TGS1: variants seen among roughly 807,000 people sequenced by gnomAD.
TGS1 encodes the protein trimethylguanosine synthase 1, also known as trimethylguanosine synthase.
In TGS1, 69 loss-of-function variants were observed where a neutral mutation model predicts 92.2. The ratio of observed to expected loss-of-function variants is 0.75; its 90% confidence interval spans 0.62 to 0.91. TGS1 has a LOEUF of 0.91. Among genes scored for constraint, TGS1 ranks in the 40% least tolerant of loss-of-function variants. The probability of loss-of-function intolerance (pLI) is 0.00; values close to 1 mark genes in which losing one functional copy is unlikely to be tolerated. For synonymous variants in TGS1, 345 were observed against 338.1 expected (o/e 1.02, Z -0.22); for missense variants, 1,062 against 1,001.2 (o/e 1.06, Z -0.82).
chr8:55,811,875 G>A (rs762947644), intron 11 of TGS1, among the ~76,000 whole-genome samples: 12 of 152,068 alleles, frequency 7.9e-5, no homozygotes, highest in Non-Finnish European at 1.5e-4. Context: ...TGTGGGGATC[G>A]ATCTCCAAAA....
At chr8:55,808,798 C>G (rs1349872658) in intron 10 of TGS1, among the ~76,000 whole-genome samples, 3 of 152,198 alleles carry the variant, frequency 2.0e-5, no homozygotes, top group Non-Finnish European at 4.4e-5. Context: ...GCATGAGCCA[C>G]CACCCCTAGC....
intron 6 of TGS1, among the ~76,000 whole-genome samples, chr8:55,794,415 C>T (rs145197173): frequency 6.6e-6 from 1 of 152,236 alleles, no homozygotes; most frequent in East Asian, 1.9e-4. Context: ...AAAATTTGCT[C>T]AACCATGCAA....
At chr8:55,821,495 T>A (rs1803632278) in intron 12 of TGS1, among the ~76,000 whole-genome samples, 1 of 151,656 alleles carries the variant, frequency 6.6e-6, no homozygotes, top group South Asian at 2.1e-4. Context: ...TAGACAACCC[T>A]CTGAAAGGTA....
At chr8:55,795,512 A>T (rs755531097) in intron 6 of TGS1, among the ~76,000 whole-genome samples, 4 of 152,216 alleles carry the variant, frequency 2.6e-5, no homozygotes, top group Non-Finnish European at 5.9e-5. Flanking sequence ...TAAATCAGGC[A>T]TTCTCTAATT....
At chr8:55,787,230 A>G (rs767450804) in intron 4 of TGS1, among the ~76,000 whole-genome samples, 170 bp downstream of exon 4, 5 of 151,958 alleles carry the variant, frequency 3.3e-5, no homozygotes, top group Non-Finnish European at 7.4e-5. Flanking sequence ...ATCCTTTTCT[A>G]TTAATAAGAA....
chr8:55,808,512 T>C (rs1398288031), intron 10 of TGS1, among the ~76,000 whole-genome samples: 6 of 5,262 alleles, frequency 1.1e-3, no homozygotes, highest in Admixed American at 8.0e-3. Flanking sequence ...TCTTTTTTTC[T>C]TTTTTTTTTT....
chr8:55,782,891 A>G, intron 2 of TGS1, 79 bp downstream of exon 2: 3 of 904,590 alleles, frequency 3.3e-6, no homozygotes, highest in Non-Finnish European at 5.1e-6. Flanking sequence ...ATTTGTTATA[A>G]TATTGTATTG....
At position 55,787,079 on chromosome 8, in the gene TGS1, T is replaced by G; in HGVS notation, c.1162+19T>G. On this transcript the variant is annotated intron_variant, in intron 4 of 12. Transcript: ENST00000260129. ...GCTGAGGGTAAGATTAACCAAGATTTATTCTGCCATGTAATGGTTAGCAAA... is the reference window on the plus strand; with the variant it reads ...GCTGAGGGTAAGATTAACCAAGATTGATTCTGCCATGTAATGGTTAGCAAA... 1 of 1,569,684 alleles carries G rather than the reference T, an allele frequency of 6.4e-7. No homozygotes were observed. The highest frequency in any genetic ancestry group is 1.4e-5 in the African/African-American group (1 of 73,598).
intron 2 of TGS1, among the ~76,000 whole-genome samples, chr8:55,784,935 T>C (rs1811665446): frequency 6.6e-6 from 1 of 152,146 alleles, no homozygotes; most frequent in Non-Finnish European, 1.5e-5. Flanking sequence ...TCAATAAGAG[T>C]AAGTTAAATG....
At position 55,825,680 on chromosome 8, in the gene TGS1, A is replaced by G. The variant is rs368797203; in HGVS notation, c.*977A>G. On this transcript the variant is annotated 3_prime_UTR_variant, in exon 13 of 13. Transcript: ENST00000260129. ...CCAATAAATACTAGAAAATTAGACT[A>G]GAAAAATAGCTGTTATATAAATAAC... 3.3e-5 allele frequency among the ~76,000 whole-genome samples: 5 copies of G among 152,330 alleles called. No individual in the cohort carries two copies. In the South Asian group the frequency reaches 1.0e-3, roughly 32 times the overall value.
At chr8:55,793,925 C>T (rs574816713) in intron 6 of TGS1, among the ~76,000 whole-genome samples, 6 of 151,824 alleles carry the variant, frequency 4.0e-5, no homozygotes, top group Non-Finnish European at 7.4e-5. Context: ...ACCACGTACA[C>T]ACATTTTGCT....
chr8:55,776,945 G>GT (rs1811417872), intron 1 of TGS1, among the ~76,000 whole-genome samples: 1 of 151,560 alleles, frequency 6.6e-6, no homozygotes, highest in Non-Finnish European at 1.5e-5. Flanking sequence ...TTTTTTGTTT[G>GT]TTGGTTTTTT....
chr8:55,822,423 T>A (rs529267942), intron 12 of TGS1, among the ~76,000 whole-genome samples: 25 of 152,316 alleles, frequency 1.6e-4, no homozygotes, highest in African/African-American at 4.3e-4. Context: ...CTGGGGATTT[T>A]TAAGTTATTT....
In TGS1 at chr8:55,796,034, T is replaced by C. The variant is rs1368892305; in HGVS notation, c.1424T>C (p.Val475Ala). 1 of 1,613,602 alleles carries C rather than the reference T, an allele frequency of 6.2e-7. No individual in the cohort carries two copies. The highest frequency in any genetic ancestry group is 2.2e-5 in the East Asian group (1 of 44,806). The change falls in exon 7 of 13, where the codon GTG (valine) becomes GCG (alanine). Residue 475 changes from valine (V) to alanine (A), a missense_variant. Transcript: ENST00000260129. The stretch of plus-strand genomic sequence containing the variant: ...CAGGTCAGGTATTTAGAGAAGAATG[T>C]GAAGCTTAAGTCTAAGTACCTAGAC... ...HRQVRYLEKN[V>A]KLKSKYLDMR...
At chr8:55,822,261 G>A (rs1040477632) in intron 12 of TGS1, among the ~76,000 whole-genome samples, 7 of 151,838 alleles carry the variant, frequency 4.6e-5, no homozygotes, top group African/African-American at 1.2e-4. Flanking sequence ...TAGTAGAGAC[G>A]GGGTTTTACC....
In TGS1 at chr8:55,796,093, ATCT is replaced by A. The variant is rs773459792; in HGVS notation, c.1488_1490del (p.Phe497del). 3.1e-6 allele frequency: 5 copies of A among 1,613,284 alleles called. No individual in the cohort carries two copies. The highest frequency in any genetic ancestry group is 1.7e-4 in the Middle Eastern group (1 of 6,042). On this transcript the variant is annotated inframe_deletion, in exon 7 of 13. Coordinates refer to ENST00000260129, the MANE Select transcript of TGS1 (RefSeq NM_024831.8). ...ACAAATAAAGATGAAAAACAAACAC[ATCT>A]TCTTTACCAAAGAGTCAGAAAAACC... is the stretch of plus-strand genomic sequence containing the variant.
rs749126729 is a variant in TGS1 at position 55,796,402 on chromosome 8, C to T, written c.1542+250C>T. On this transcript the variant is annotated intron_variant, in intron 7 of 12. Transcript: ENST00000260129. ...CTAGTGTCTGAGATTATTTAAAAAA[C>T]GCAGCCGTCAGGCGTGGTGGCTCAC... Among the ~76,000 whole-genome samples, 7 of 152,070 alleles carry T rather than the reference C, an allele frequency of 4.6e-5. No individual in the cohort carries two copies. In the East Asian group the frequency reaches 5.8e-4, roughly 13 times the overall value.
chr8:55,799,840 C>T (rs1034717624), intron 8 of TGS1, among the ~76,000 whole-genome samples: 1 of 152,160 alleles, frequency 6.6e-6, no homozygotes, highest in African/African-American at 2.4e-5. Flanking sequence ...TCCCAAAGTG[C>T]TGGGATTACA....
At chr8:55,815,922 ATTTATTTATTTATTTATTTATTTAT>A (rs1254580544) in intron 12 of TGS1, among the ~76,000 whole-genome samples, 1 of 112,110 alleles carries the variant, frequency 8.9e-6, no homozygotes, top group African/African-American at 3.8e-5. Flanking sequence ...ACTAATTTTT[ATTTATTTATTTATTTATTTATTTAT>A]TTTATTTATT....
Sources: gnomAD v4.1 joint callset for allele counts (sites outside exome capture counted in the v4.1 genomes callset) on GRCh38, gnomAD v4.1.1 for gene constraint, MANE v1.5 for transcripts, NCBI Gene and HGNC (gene_info 2026-07-23, HGNC 2026-07-21) for gene names.